The following NEDD4L variants were observed in gnomAD, a reference collection of about 807,000 sequenced individuals.
NEDD4L encodes the protein E3 ubiquitin-protein ligase NEDD4-like.
NEDD4L carries 54 observed loss-of-function variants against 148.9 expected under a neutral mutation model. The ratio of observed to expected loss-of-function variants is 0.36; its 90% CI spans 0.29 to 0.45. The LOEUF (loss-of-function observed/expected upper bound fraction) is 0.45, where lower values mean the gene tolerates loss of function less well. Ranked by LOEUF, NEDD4L falls within the 20% of genes least tolerant of loss-of-function variation. The pLI is 1.00. For missense variants in NEDD4L, 856 were observed against 1,233.8 expected, an observed-to-expected ratio of 0.69 and a Z score of 4.59; for synonymous variants, 433 against 440.7, an observed-to-expected ratio of 0.98 and a Z score of 0.22.
intron 5 of NEDD4L, among the ~76,000 whole-genome samples, chr18:58,278,089 T>C (rs2052421942): frequency 6.6e-6 from 1 of 152,206 alleles, no homozygotes; most frequent in South Asian, 2.1e-4. Context: ...AGATTCCTTC[T>C]TTTTTACAAT....
Position 58,328,379 on chromosome 18 carries a change from G to A in NEDD4L, c.681-616G>A, listed in dbSNP as rs145981134. Among the ~76,000 whole-genome samples, 192 of 152,334 alleles carry A rather than the reference G, an allele frequency of 1.3e-3. 1 individual carries two copies. Among genetic ancestry groups the A allele is most frequent in the African/African-American group, 4.4e-3 (181 of 41,576 alleles). ...CTTCAGACCCCGGCTGACTTGAGAG[G>A]TTATCTCCTGATGTTATTAGGATTT... On this transcript the variant is annotated intron_variant, in intron 9 of 30. Coordinates refer to ENST00000400345, the MANE Select transcript of NEDD4L (RefSeq NM_001144967.3).
chr18:58,115,130 G>GT (rs2085712465), intron 1 of NEDD4L, among the ~76,000 whole-genome samples: 3 of 152,118 alleles, frequency 2.0e-5, no homozygotes, highest in Non-Finnish European at 4.4e-5. Flanking sequence ...AACCTTAGGC[G>GT]TCTGATATTG....
chr18:58,335,301 G>A (rs1284897226), intron 12 of NEDD4L, among the ~76,000 whole-genome samples, 177 bp from the exon 13 acceptor site: 1 of 152,168 alleles, frequency 6.6e-6, no homozygotes, highest in Admixed American at 6.6e-5. Flanking sequence ...TAGGGGTCAC[G>A]CTTCCTTTGT....
intron 3 of NEDD4L, among the ~76,000 whole-genome samples, chr18:58,246,539 A>G (rs989441379): frequency 6.6e-6 from 1 of 152,210 alleles, no homozygotes. Context: ...ATCTCAGCTC[A>G]CCGCAACCTT....
At chr18:58,353,277 C>T (rs9963330) in intron 18 of NEDD4L, among the ~76,000 whole-genome samples, 1,934 of 152,334 alleles carry the variant, frequency 0.013, 31 homozygotes, top group African/African-American at 0.038. Flanking sequence ...AACATTTCCT[C>T]ATTTCACTTG....
chr18:58,062,496 T>A lies in NEDD4L; in HGVS notation c.48+17788T>A, dbSNP rs73438977. ...TTTATGTTTTAATTATGGCACAGAT[T>A]AATACAAAATCTGGTGAAAAATGGA... On this transcript the variant is annotated intron_variant, in intron 1 of 30. Coordinates refer to ENST00000400345, the MANE Select transcript of NEDD4L (RefSeq NM_001144967.3). Among the ~76,000 whole-genome samples, 714 of 152,266 alleles carry A rather than the reference T, an allele frequency of 4.7e-3. 4 individuals carry two copies. Among genetic ancestry groups the A allele is most frequent in the Middle Eastern group, 0.017 (5 of 294 alleles).
intron 9 of NEDD4L, among the ~76,000 whole-genome samples, chr18:58,327,389 G>T (rs777014744): frequency 1.3e-5 from 2 of 152,136 alleles, no homozygotes; most frequent in Non-Finnish European, 2.9e-5. Flanking sequence ...GACCCACCAC[G>T]CCCGGCTGAA....
chr18:58,050,633 C>T (rs2081825373), intron 1 of NEDD4L, among the ~76,000 whole-genome samples: 1 of 151,830 alleles, frequency 6.6e-6, no homozygotes, highest in South Asian at 2.1e-4. Flanking sequence ...TGGTGGCAGG[C>T]AACTGTAATC....
At chr18:58,159,529 G>A (rs989482952) in intron 1 of NEDD4L, among the ~76,000 whole-genome samples, 1 of 152,088 alleles carries the variant, frequency 6.6e-6, no homozygotes, top group Admixed American at 6.5e-5. Context: ...CAATTTTGCT[G>A]TGACCCTAAA....
intron 2 of NEDD4L, among the ~76,000 whole-genome samples, chr18:58,208,369 A>T (rs567276593): frequency 6.6e-6 from 1 of 152,212 alleles, no homozygotes; most frequent in African/African-American, 2.4e-5. Flanking sequence ...ATTTGTTCCC[A>T]TAAGTAGGTT....
intron 24 of NEDD4L, among the ~76,000 whole-genome samples, chr18:58,375,473 C>T (rs1427285809): frequency 1.3e-5 from 2 of 152,066 alleles, no homozygotes; most frequent in African/African-American, 2.4e-5. Context: ...TGGCATATGA[C>T]CCCTCATAAT....
chr18:58,329,250 C>T lies in NEDD4L; in HGVS notation c.813+123C>T, dbSNP rs181237771. On this transcript the variant is annotated intron_variant, in intron 10 of 30. Coordinates refer to ENST00000400345, the MANE Select transcript of NEDD4L (RefSeq NM_001144967.3). ...GTTGAGAATGTAAAGATTACAGTGA[C>T]GCAGGGAATTAATTACCATCTGAAT... 881 of 1,126,000 alleles carry T rather than the reference C, an allele frequency of 7.8e-4. 7 individuals carry two copies. In the African/African-American group the frequency reaches 0.011, roughly 14 times the overall value. The allele number at this position is 1,126,000 out of a possible 1,614,324, so 69.8% of individuals were successfully genotyped here. A position where few individuals can be genotyped will look rare whatever the true frequency, so the allele number is the denominator to read the frequency against.
At chr18:58,394,597 G>A (rs2050246912) in intron 30 of NEDD4L, among the ~76,000 whole-genome samples, 1 of 152,252 alleles carries the variant, frequency 6.6e-6, no homozygotes, top group Non-Finnish European at 1.5e-5. Context: ...TTAAAAGCCT[G>A]TATTAGTACT....
chr18:58,292,259 C>T (rs1215416057), intron 5 of NEDD4L, among the ~76,000 whole-genome samples: 1 of 152,204 alleles, frequency 6.6e-6, no homozygotes, highest in Non-Finnish European at 1.5e-5. Flanking sequence ...GGTCCTTCCA[C>T]CTCAGCGTAT....
chr18:58,329,215 AG>A, intron 10 of NEDD4L, 88 bp downstream of exon 10: 1 of 1,399,626 alleles, frequency 7.1e-7, no homozygotes, highest in Non-Finnish European at 9.8e-7. Context: ...TTCTTCTGTC[AG>A]TAAACATTGT....
Position 58,256,826 on chromosome 18 carries a change from A to T in NEDD4L, c.297+4772A>T. On this transcript the variant is annotated intron_variant, in intron 5 of 30. Transcript: ENST00000400345. The surrounding 1 kb of genome is among the most constrained non-coding windows in gnomAD (Gnocchi z 5.2). ...TTTACTGATTTCAACTTCGATGCTT[A>T]CTCTGCGGCGTAACCAAAATAAAAC... 8.2e-7 allele frequency: 1 copy of T among 1,222,680 alleles called. No homozygotes were observed. The highest frequency in any genetic ancestry group is 1.6e-5 in the African/African-American group (1 of 64,320). The allele number at this position is 1,222,680 out of a possible 1,614,324, so 75.7% of individuals were successfully genotyped here. A position where few individuals can be genotyped will look rare whatever the true frequency, so the allele number is the denominator to read the frequency against.
intron 1 of NEDD4L, among the ~76,000 whole-genome samples, chr18:58,051,283 A>T (rs1363632889): frequency 6.6e-6 from 1 of 152,164 alleles, no homozygotes. Context: ...ACAAACAAAG[A>T]TCACCCCAAA....
chr18:58,299,987 A>G (rs1013560509), intron 5 of NEDD4L, among the ~76,000 whole-genome samples: 3 of 152,240 alleles, frequency 2.0e-5, no homozygotes, highest in Admixed American at 6.5e-5. Flanking sequence ...GAAAAAAACC[A>G]TAAGAATTGG....
chr18:58,165,595 A>G (rs746380782), intron 1 of NEDD4L, 193 bp from the exon 2 acceptor site: 2 of 1,430,184 alleles, frequency 1.4e-6, no homozygotes, highest in Non-Finnish European at 1.8e-6. Context: ...CTAAGTTTCT[A>G]GAGTCACAGA....
Sources: gnomAD v4.1 joint callset for allele counts (sites outside exome capture counted in the v4.1 genomes callset) on GRCh38, gnomAD v4.1.1 for gene constraint, Gnocchi (gnomAD v3.1) non-coding constraint, MANE v1.5 for transcripts, NCBI Gene and HGNC (gene_info 2026-07-23, HGNC 2026-07-21) for gene names.